The following TMEM108 variants were observed in gnomAD, a reference collection of about 807,000 sequenced individuals.
TMEM108 encodes the protein cancer/testis antigen 124.
Under a neutral mutation model 35.1 loss-of-function variants are expected in TMEM108, and 12 were observed. The observed-to-expected ratio is 0.34, with a 90% confidence interval of 0.22 to 0.55. TMEM108 has a LOEUF of 0.55. TMEM108 is among the 20% of genes least tolerant of loss of function. TMEM108 has a pLI of 0.89. For missense variants in TMEM108, 680 were observed against 753.3 expected (o/e 0.90, Z 1.14); for synonymous variants, 287 against 308.6 (o/e 0.93, Z 0.73).
chr3:133,336,051 T>C (rs946316134), intron 3 of TMEM108, among the ~76,000 whole-genome samples: 3 of 152,168 alleles, frequency 2.0e-5, no homozygotes, highest in South Asian at 2.1e-4. Flanking sequence ...ATCCCAGTAG[T>C]TGGAACTTGA....
intron 2 of TMEM108, among the ~76,000 whole-genome samples, chr3:133,198,134 C>T (rs916571722): frequency 1.3e-5 from 2 of 152,104 alleles, no homozygotes; most frequent in African/African-American, 4.8e-5. Flanking sequence ...ATAAATGGTA[C>T]CTGGCTCATC....
At chr3:133,219,205 A>G (rs1459571906) in intron 2 of TMEM108, among the ~76,000 whole-genome samples, 1 of 151,992 alleles carries the variant, frequency 6.6e-6, no homozygotes, top group African/African-American at 2.4e-5. Context: ...GATCCTTTGT[A>G]TTTCTGTAGT....
intron 2 of TMEM108, among the ~76,000 whole-genome samples, chr3:133,169,929 G>A (rs1231060666): frequency 1.3e-5 from 2 of 152,192 alleles, no homozygotes; most frequent in East Asian, 3.9e-4. Flanking sequence ...AGATGCACTG[G>A]AAACAAGGGC....
intron 2 of TMEM108, among the ~76,000 whole-genome samples, chr3:133,163,768 G>C (rs1390164391): frequency 1.3e-5 from 2 of 152,178 alleles, no homozygotes; most frequent in Non-Finnish European, 2.9e-5. Context: ...CTGAATCTAT[G>C]AGTCTTCTGA....
At chr3:133,095,630 G>A (rs1179494873) in intron 2 of TMEM108, among the ~76,000 whole-genome samples, 1 of 151,948 alleles carries the variant, frequency 6.6e-6, no homozygotes, top group Non-Finnish European at 1.5e-5. Context: ...AGATCATCAG[G>A]CATTAGATTC....
intron 3 of TMEM108, among the ~76,000 whole-genome samples, chr3:133,370,235 C>T (rs1265123706): frequency 3.4e-5 from 5 of 148,762 alleles, no homozygotes. Context: ...TGTCCCCTTA[C>T]ACTCCCCTTG....
At chr3:133,323,255 T>A (rs955442569) in intron 3 of TMEM108, among the ~76,000 whole-genome samples, 3 of 151,906 alleles carry the variant, frequency 2.0e-5, no homozygotes, top group Non-Finnish European at 1.5e-5. Flanking sequence ...ATATCATTCA[T>A]CCAAAAAGAT....
At chr3:133,229,931 T>C (rs1259150762) in intron 3 of TMEM108, among the ~76,000 whole-genome samples, 4 of 152,248 alleles carry the variant, frequency 2.6e-5, no homozygotes, top group Non-Finnish European at 5.9e-5. Flanking sequence ...ACATCACTCA[T>C]GTGTTTTGGG....
At chr3:133,116,595 C>T (rs943258447) in intron 2 of TMEM108, among the ~76,000 whole-genome samples, 3 of 152,084 alleles carry the variant, frequency 2.0e-5, no homozygotes, top group Non-Finnish European at 1.5e-5. Context: ...CCTTCCAACT[C>T]GAAGACACTC....
intron 2 of TMEM108, among the ~76,000 whole-genome samples, chr3:133,183,708 AGGCAGGGAGT>A (rs961343712): frequency 6.6e-5 from 10 of 152,162 alleles, no homozygotes; most frequent in Non-Finnish European, 1.3e-4. Context: ...ATTCTTGTTG[AGGCAGGGAGT>A]GGGCAGGAAC....
intron 3 of TMEM108, among the ~76,000 whole-genome samples, chr3:133,287,262 T>G (rs921203108): frequency 1.3e-5 from 2 of 152,194 alleles, no homozygotes; most frequent in Non-Finnish European, 2.9e-5. Context: ...ACCTTACTTA[T>G]AAAACCTTTT....
chr3:133,255,638 T>C (rs1266468393), intron 3 of TMEM108, among the ~76,000 whole-genome samples: 1 of 152,108 alleles, frequency 6.6e-6, no homozygotes, highest in Non-Finnish European at 1.5e-5. Flanking sequence ...GCTTAGAATA[T>C]TTTCTAGAAT....
chr3:133,158,163 A>G (rs1209199634), intron 2 of TMEM108, among the ~76,000 whole-genome samples: 2 of 152,122 alleles, frequency 1.3e-5, no homozygotes, highest in Non-Finnish European at 1.5e-5. Context: ...GTGGTGTCTC[A>G]TGTATCTTAG....
At chr3:133,304,423 G>T (rs904101084) in intron 3 of TMEM108, among the ~76,000 whole-genome samples, 6 of 151,132 alleles carry the variant, frequency 4.0e-5, no homozygotes, top group African/African-American at 1.5e-4. Context: ...AATGTATGGG[G>T]TTATGTAACC....
At chr3:133,385,900 A>C (rs770551711) in intron 4 of TMEM108, among the ~76,000 whole-genome samples, 2 of 152,240 alleles carry the variant, frequency 1.3e-5, no homozygotes, top group Non-Finnish European at 2.9e-5. Context: ...GATTAGGCAT[A>C]TAAGAGAATT....
At chr3:133,097,035 A>G (rs1944024224) in intron 2 of TMEM108, among the ~76,000 whole-genome samples, 1 of 152,224 alleles carries the variant, frequency 6.6e-6, no homozygotes, top group African/African-American at 2.4e-5. Context: ...GGAAGGACTA[A>G]AACATGGTTA....
At chr3:133,360,303 C>T (rs975035355) in intron 3 of TMEM108, among the ~76,000 whole-genome samples, 6 of 152,058 alleles carry the variant, frequency 3.9e-5, no homozygotes, top group South Asian at 2.1e-4. Context: ...TGCCAAAACT[C>T]GCCAATCTGT....
At chr3:133,203,899 A>T (rs942387659) in intron 2 of TMEM108, among the ~76,000 whole-genome samples, 1 of 152,170 alleles carries the variant, frequency 6.6e-6, no homozygotes, top group African/African-American at 2.4e-5. Context: ...CCTCTGGTAA[A>T]ATTCAGCTGT....
chr3:133,277,127 G>GAA (rs113353561), intron 3 of TMEM108, among the ~76,000 whole-genome samples: 1,899 of 144,194 alleles, frequency 0.013, 15 homozygotes, highest in South Asian at 0.025. Context: ...CTCTGGACCA[G>GAA]AAAAAAAAAA....
Sources: allele counts gnomAD v4.1 joint callset (sites outside exome capture counted in the v4.1 genomes callset), GRCh38; gene constraint gnomAD v4.1.1; transcripts MANE v1.5; gene names NCBI Gene and HGNC (gene_info 2026-07-23, HGNC 2026-07-21).